Variants in TRABD2B observed in about 807,000 individuals in gnomAD.
TRABD2B encodes TraB domain containing 2B.
A neutral mutation model predicts 40.1 loss-of-function variants in TRABD2B; 14 were observed. The ratio of observed to expected loss-of-function variants is 0.35; its 90% CI spans 0.23 to 0.55. TRABD2B has a LOEUF of 0.55. TRABD2B is among the 20% of genes least tolerant of loss of function. TRABD2B has a pLI of 0.90. For missense variants in TRABD2B, 541 were observed against 648.6 expected (o/e 0.83, Z 1.80); for synonymous variants, 263 against 277.0 (o/e 0.95, Z 0.50).
Position 47,782,370 on chromosome 1 carries a change from C to T in TRABD2B, c.989-3826G>A, listed in dbSNP as rs531973635. 2.5e-4 allele frequency among the ~76,000 whole-genome samples: 38 copies of T among 152,278 alleles called. 1 individual carries two copies. Among genetic ancestry groups the T allele is most frequent in the African/African-American group, 8.4e-4 (35 of 41,546 alleles). On this transcript the variant is annotated intron_variant, in intron 4 of 6. Coordinates refer to ENST00000606738, the MANE Select transcript of TRABD2B (RefSeq NM_001194986.2). ...TCTGCCTGAATCACTGCAGAAACTG[C>T]TCTCCTTGCTCTCTCTAGTTCACAC...
intron 2 of TRABD2B, among the ~76,000 whole-genome samples, chr1:47,860,948 TA>T (rs1324512348): frequency 1.3e-5 from 2 of 152,150 alleles, no homozygotes; most frequent in African/African-American, 4.8e-5. Context: ...CTTTTCTTTA[TA>T]AATGACCTAG....
intron 2 of TRABD2B, among the ~76,000 whole-genome samples, chr1:47,992,881 C>G (rs948045137): frequency 6.6e-6 from 1 of 152,206 alleles, no homozygotes; most frequent in African/African-American, 2.4e-5. Context: ...ACCGACAAAC[C>G]CGCCTTTCAT....
intron 4 of TRABD2B, among the ~76,000 whole-genome samples, chr1:47,784,635 G>A (rs184096266): frequency 6.6e-6 from 1 of 152,348 alleles, no homozygotes; most frequent in Non-Finnish European, 1.5e-5. Context: ...GGACAGGCCG[G>A]CCGGATATCA....
chr1:47,914,474 T>C (rs1342323287), intron 2 of TRABD2B, among the ~76,000 whole-genome samples: 2 of 152,186 alleles, frequency 1.3e-5, no homozygotes, highest in East Asian at 1.9e-4. Flanking sequence ...CAGAGCAATG[T>C]AGGGAGGGGC....
intron 2 of TRABD2B, among the ~76,000 whole-genome samples, chr1:47,811,373 A>G (rs1410445730): frequency 1.3e-5 from 2 of 152,084 alleles, no homozygotes; most frequent in Non-Finnish European, 2.9e-5. Flanking sequence ...CCACACCTCC[A>G]TCTGCCCTGC....
In TRABD2B at chr1:47,996,906, G is replaced by A. The variant is rs1014486434; in HGVS notation, c.-117C>T. On this transcript the variant is annotated 5_prime_UTR_variant, in exon 1 of 7. Coordinates refer to ENST00000606738, the MANE Select transcript of TRABD2B (RefSeq NM_001194986.2). The surrounding 1 kb of genome is among the most constrained non-coding windows in gnomAD (Gnocchi z 4.6). ...GAGCACGGGGCTCCAGCCGCAGGAT[G>A]CTGGGCGCCCTCTGGGGCGTGGCTG... The A allele has an allele frequency of 1.2e-5, 14 of 1,125,856 alleles. No individual in the cohort carries two copies. The African/African-American group carries it at 2.0e-4, about 16-fold the overall frequency. 69.7% of individuals were successfully genotyped at this position (1,125,856 alleles called of 1,614,324 possible).
chr1:47,945,846 A>G (rs1645253382), intron 2 of TRABD2B, among the ~76,000 whole-genome samples: 1 of 152,218 alleles, frequency 6.6e-6, no homozygotes, highest in South Asian at 2.1e-4. Flanking sequence ...TGGGGTAGCT[A>G]CAAAGAAAGC....
In TRABD2B at chr1:47,775,434, G is replaced by A. The variant is rs1412956037; in HGVS notation, c.1085C>T (p.Ala362Val). ...AGGAGAGGGCGCTGGGCTCTGGGGG[G>A]CAGGGCTGGAAAGAGGTAATGGCAC... is the stretch of plus-strand genomic sequence containing the variant. ...TPAGQAIHSP[A>V]PQSPAPSPEG... Residue 362 changes from alanine (A) to valine (V), a missense_variant, in exon 6 of 7, where the codon GCC becomes GTC. By Grantham distance (64) the Ala-to-Val change is moderately conservative. Around this residue, in one of 2 missense-constraint regions of TRABD2B, gnomAD observed 172 missense variants for 155.8 expected, o/e 1.10. Transcript: ENST00000606738. The A allele has an allele frequency of 7.3e-6, 9 of 1,234,904 alleles. No individual in the cohort carries two copies. The highest frequency in any genetic ancestry group is 4.2e-5 in the Admixed American group (1 of 23,738). The allele number at this position is 1,234,904 out of a possible 1,614,324, so 76.5% of individuals were successfully genotyped here.
At chr1:47,772,943 G>T (rs1482348944) in intron 6 of TRABD2B, among the ~76,000 whole-genome samples, 1 of 152,218 alleles carries the variant, frequency 6.6e-6, no homozygotes, top group Non-Finnish European at 1.5e-5. Flanking sequence ...CAGAAAAGGG[G>T]CTCCCTTCTT....
chr1:47,846,529 T>C (rs1037103806), intron 2 of TRABD2B, among the ~76,000 whole-genome samples: 6 of 152,148 alleles, frequency 3.9e-5, no homozygotes, highest in African/African-American at 1.4e-4. Context: ...AGGGGATTGA[T>C]TGTGACCCTC....
In TRABD2B at chr1:47,997,340, C is replaced by T; in HGVS notation, c.-551G>A. 1 of 397,876 alleles carries T rather than the reference C, an allele frequency of 2.5e-6. No homozygotes were observed. The highest frequency in any genetic ancestry group is 3.4e-6 in the Non-Finnish European group (1 of 297,878). 24.6% of individuals were successfully genotyped at this position (397,876 alleles called of 1,614,324 possible). On this transcript the variant is annotated 5_prime_UTR_variant, in exon 1 of 7. Coordinates refer to ENST00000606738, the MANE Select transcript of TRABD2B (RefSeq NM_001194986.2). ...GCGGCGGGCGGCCGCGCGGCCGCTG[C>T]CCGGGCTCCGCCATGCTGCTCCGCG... is the stretch of plus-strand genomic sequence containing the variant.
intron 2 of TRABD2B, among the ~76,000 whole-genome samples, chr1:47,861,284 G>A (rs909905779): frequency 1.3e-5 from 2 of 152,052 alleles, no homozygotes; most frequent in Non-Finnish European, 2.9e-5. Flanking sequence ...TGGTGGTGGT[G>A]GGGGTGGCGG....
chr1:47,968,959 T>A (rs564927360), intron 2 of TRABD2B, among the ~76,000 whole-genome samples: 1 of 152,276 alleles, frequency 6.6e-6, no homozygotes, highest in African/African-American at 2.4e-5. Context: ...TGGTGGCTGA[T>A]CCTGCAGACT....
chr1:47,861,491 T>G (rs1643970202), intron 2 of TRABD2B, among the ~76,000 whole-genome samples: 1 of 152,068 alleles, frequency 6.6e-6, no homozygotes, highest in Non-Finnish European at 1.5e-5. Context: ...TGGAAAATAA[T>G]AAGACACAAC....
intron 2 of TRABD2B, among the ~76,000 whole-genome samples, chr1:47,988,379 G>A (rs113165532): frequency 2.1e-4 from 32 of 152,264 alleles, no homozygotes; most frequent in African/African-American, 3.4e-4. Context: ...ATGAATTCTC[G>A]GCAGGCAAAG....
At chr1:47,995,581 T>A (rs1462084357) in intron 1 of TRABD2B, among the ~76,000 whole-genome samples, 1 of 151,912 alleles carries the variant, frequency 6.6e-6, no homozygotes, top group Non-Finnish European at 1.5e-5. Flanking sequence ...TTTCTACAGA[T>A]CCAAGTCAGG....
At chr1:47,906,059 C>T (rs771919772) in intron 2 of TRABD2B, among the ~76,000 whole-genome samples, 3 of 152,188 alleles carry the variant, frequency 2.0e-5, no homozygotes, top group Non-Finnish European at 2.9e-5. Flanking sequence ...GAGAGTGGCA[C>T]ACCCTTGCTC....
chr1:47,900,893 G>A (rs1398844417), intron 2 of TRABD2B, among the ~76,000 whole-genome samples: 1 of 152,130 alleles, frequency 6.6e-6, no homozygotes. Context: ...CATCTTTTAA[G>A]AGACAAAGAA....
intron 2 of TRABD2B, among the ~76,000 whole-genome samples, chr1:47,822,097 T>A (rs955384320): frequency 6.6e-6 from 1 of 152,064 alleles, no homozygotes; most frequent in Non-Finnish European, 1.5e-5. Context: ...GTACGTTTCA[T>A]GTACAGACAC....
Sources: gnomAD v4.1 joint callset for allele counts (sites outside exome capture counted in the v4.1 genomes callset) on GRCh38, gnomAD v4.1.1 for gene constraint, gnomAD v4.1.1 regional missense constraint, Gnocchi (gnomAD v3.1) non-coding constraint, MANE v1.5 for transcripts, NCBI Gene and HGNC (gene_info 2026-07-23, HGNC 2026-07-21) for gene names.